The following PATL2 variants were observed in gnomAD, a reference collection of about 807,000 sequenced individuals.
PATL2 encodes the protein protein PAT1 homolog 2.
In PATL2, 73 loss-of-function variants were observed where a neutral mutation model predicts 77.0. The ratio of observed to expected loss-of-function variants is 0.95; its 90% CI spans 0.78 to 1.15. The LOEUF (loss-of-function observed/expected upper bound fraction) is 1.15. Ranked by LOEUF, PATL2 falls within the 50% of genes most tolerant of loss-of-function variation. The pLI, the probability that PATL2 is intolerant of heterozygous loss-of-function variation, is 0.00. For synonymous variants in PATL2, 265 were observed against 257.1 expected, an observed-to-expected ratio of 1.03 and a Z score of -0.29; for missense variants, 618 against 655.4, an observed-to-expected ratio of 0.94 and a Z score of 0.62.
intron 15 of PATL2, 133 bp from the exon 16 acceptor site, chr15:44,667,336 T>C (rs1303495055): frequency 1.5e-6 from 1 of 679,902 alleles, no homozygotes; most frequent in Non-Finnish European, 2.5e-6. Context: ...CCACAAGTGC[T>C]GTCAGGTTTT....
At chr15:44,666,123 G>T (rs1334495233) in intron 17 of PATL2, among the ~76,000 whole-genome samples, 152 bp from the exon 18 acceptor site, 1 of 152,198 alleles carries the variant, frequency 6.6e-6, no homozygotes, top group Admixed American at 6.5e-5. Flanking sequence ...TGTCCCTCAA[G>T]TATTTCTTGA....
chr15:44,686,675 A>G (rs1163564209), intron 3 of PATL2, among the ~76,000 whole-genome samples: 1 of 152,174 alleles, frequency 6.6e-6, no homozygotes, highest in Non-Finnish European at 1.5e-5. Flanking sequence ...AATAAAGAAG[A>G]AAAGAGAGAA....
At chr15:44,674,091 A>T in intron 6 of PATL2, 59 bp downstream of exon 6, 1 of 1,457,898 alleles carries the variant, frequency 6.9e-7, no homozygotes, top group South Asian at 1.3e-5. Context: ...TTGGGGGTAG[A>T]CTGAACATAA....
In PATL2 at chr15:44,706,708, C is replaced by T. The variant is rs149536451; in HGVS notation, c.-76+3388G>A. ...GACTGTGCAGGGTCAGACGTGAAGC[C>T]AGCATAGTACTGGGTCTTGCCCAAG... is the stretch of plus-strand genomic sequence containing the variant. On this transcript the variant is annotated intron_variant, in intron 3 of 17. Coordinates refer to ENST00000682850, the MANE Select transcript of PATL2 (RefSeq NM_001387263.1). Among the ~76,000 whole-genome samples the T allele has an allele frequency of 1.1e-3, 172 of 152,342 alleles. 1 individual carries two copies. Among genetic ancestry groups the T allele is most frequent in the African/African-American group, 3.4e-3 (142 of 41,574 alleles).
chr15:44,672,554 G>A (rs1225469202), intron 7 of PATL2, 98 bp from the exon 8 acceptor site: 29 of 1,214,736 alleles, frequency 2.4e-5, no homozygotes, highest in Non-Finnish European at 3.3e-5. Context: ...GGACATCTAA[G>A]GAACCTTATC....
intron 3 of PATL2, 35 bp from the exon 4 acceptor site, chr15:44,676,600 C>T: frequency 5.3e-6 from 8 of 1,497,670 alleles, no homozygotes; most frequent in South Asian, 1.2e-5. Flanking sequence ...GCACCATCCT[C>T]AGTCAGTAAG....
At chr15:44,670,210 T>C (rs2085603710) in intron 9 of PATL2, 123 bp from the exon 10 acceptor site, 19 of 1,361,030 alleles carry the variant, frequency 1.4e-5, no homozygotes, top group Non-Finnish European at 1.7e-5. Flanking sequence ...TTATAAGTTT[T>C]GTTGTTTGAG....
In PATL2 at chr15:44,676,582, G is replaced by A; in HGVS notation, c.-75-17C>T. 6.5e-7 allele frequency: 1 copy of A among 1,540,414 alleles called. No individual in the cohort carries two copies. The highest frequency in any genetic ancestry group is 2.5e-5 in the East Asian group (1 of 40,768). Reference sequence around the variant, plus strand: ...AAGGTAAACCTGAGACAAGAAAGAGGCCAAGAGGCACCATCCTCAGTCAGT... The same window carrying A: ...AAGGTAAACCTGAGACAAGAAAGAGACCAAGAGGCACCATCCTCAGTCAGT... On this transcript the variant is annotated splice_polypyrimidine_tract_variant and intron_variant, in intron 3 of 17. Transcript: ENST00000682850.
intron 9 of PATL2, among the ~76,000 whole-genome samples, chr15:44,670,692 C>G (rs1421453176): frequency 2.0e-5 from 3 of 152,184 alleles, no homozygotes; most frequent in Admixed American, 2.0e-4. Context: ...AAGTGGAGAG[C>G]CAGTGAGCAA....
chr15:44,694,142 C>CTA (rs953535595), intron 3 of PATL2, among the ~76,000 whole-genome samples: 1 of 152,200 alleles, frequency 6.6e-6, no homozygotes, highest in Non-Finnish European at 1.5e-5. Flanking sequence ...CTTCCCCCTA[C>CTA]TAAACTCTGA....
At position 44,685,793 on chromosome 15, in the gene PATL2, G is replaced by C. The variant is rs1370317238; in HGVS notation, c.-75-9228C>G. Among the ~76,000 whole-genome samples, 3 of 152,072 alleles carry C rather than the reference G, an allele frequency of 2.0e-5. No individual in the cohort carries two copies. The East Asian group carries it at 5.8e-4, about 29-fold the overall frequency. ...ATAAAACAGACTTTAAACCAACAAA[G>C]ATCAAAAGAGACAAAGAAGGGCATT... On this transcript the variant is annotated intron_variant, in intron 3 of 17. Transcript: ENST00000682850.
At chr15:44,691,708 C>T (rs2086396261) in intron 3 of PATL2, among the ~76,000 whole-genome samples, 1 of 150,596 alleles carries the variant, frequency 6.6e-6, no homozygotes, top group Admixed American at 6.6e-5. Flanking sequence ...ATAAAGTAAA[C>T]CTGGGCACGG....
chr15:44,689,439 C>G (rs139679179), intron 3 of PATL2, among the ~76,000 whole-genome samples: 1 of 152,184 alleles, frequency 6.6e-6, no homozygotes, highest in Non-Finnish European at 1.5e-5. Flanking sequence ...CCGTTCACAA[C>G]AGCAAAGACT....
intron 4 of PATL2, chr15:44,675,964 T>C (rs1472546263): frequency 2.7e-5 from 12 of 441,040 alleles, no homozygotes; most frequent in South Asian, 3.6e-5. Context: ...GGAAGATCAT[T>C]TGGGCCCAGG....
At chr15:44,706,700 C>T (rs957938372) in intron 3 of PATL2, among the ~76,000 whole-genome samples, 10 of 152,332 alleles carry the variant, frequency 6.6e-5, no homozygotes, top group East Asian at 1.9e-4. Context: ...CAGGGTCAGA[C>T]GTGAAGCCAG....
rs112670478 is a variant in PATL2, at chr15:44,682,566, G to C, written c.-75-6001C>G. On this transcript the variant is annotated intron_variant, in intron 3 of 17. Coordinates refer to ENST00000682850, the MANE Select transcript of PATL2 (RefSeq NM_001387263.1). ...CTGAGAGAGAGACTTCTTCAGAGGG[G>C]TTTCTTGCCAGCCACCTGGGTGTGT... Among the ~76,000 whole-genome samples, 893 of 152,290 alleles carry C rather than the reference G, an allele frequency of 5.9e-3. 8 individuals are homozygous for C. Among genetic ancestry groups the C allele is most frequent in the African/African-American group, 0.021 (860 of 41,546 alleles).
At chr15:44,687,542 G>T (rs1354874914) in intron 3 of PATL2, among the ~76,000 whole-genome samples, 3 of 152,144 alleles carry the variant, frequency 2.0e-5, no homozygotes, top group Non-Finnish European at 4.4e-5. Context: ...ACATAGTATT[G>T]GAAGTTCTGG....
intron 7 of PATL2, 24 bp downstream of exon 7, chr15:44,673,211 C>G: frequency 6.5e-7 from 1 of 1,550,326 alleles, no homozygotes; most frequent in Non-Finnish European, 8.7e-7. Flanking sequence ...CCTGAGACCT[C>G]TGGGGAGAAC....
At chr15:44,667,474 C>T (rs1002287674) in intron 15 of PATL2, among the ~76,000 whole-genome samples, 5 of 152,122 alleles carry the variant, frequency 3.3e-5, no homozygotes, top group Admixed American at 2.6e-4. Context: ...AGTAGGAGAT[C>T]GGGAATGCAT....
Sources: allele counts gnomAD v4.1 joint callset (sites outside exome capture counted in the v4.1 genomes callset), GRCh38; gene constraint gnomAD v4.1.1; transcripts MANE v1.5; gene names NCBI Gene and HGNC (gene_info 2026-07-23, HGNC 2026-07-21).